VWA8: variants seen among roughly 807,000 people sequenced by gnomAD.
VWA8 encodes von Willebrand factor A domain containing 8, also known as von Willebrand factor A domain-containing protein 8.
A neutral mutation model predicts 241.5 loss-of-function variants in VWA8; 221 were observed. That is an observed-to-expected ratio of 0.91 (90% CI 0.82 to 1.02). VWA8 has a LOEUF of 1.02. VWA8 is among the 50% of genes least tolerant of loss of function. VWA8 has a pLI of 0.00. For missense variants in VWA8, 2,322 were observed against 2,328.7 expected (o/e 1.00, Z 0.06); for synonymous variants, 852 against 827.1 (o/e 1.03, Z -0.52).
intron 37 of VWA8, among the ~76,000 whole-genome samples, chr13:41,630,610 A>G (rs1394489003): frequency 6.6e-6 from 1 of 152,084 alleles, no homozygotes; most frequent in African/African-American, 2.4e-5. Flanking sequence ...TGAGTTTACA[A>G]AATCTCTGAC....
chr13:41,784,475 T>C (rs1345490216), intron 18 of VWA8, among the ~76,000 whole-genome samples: 2 of 151,532 alleles, frequency 1.3e-5, no homozygotes, highest in Middle Eastern at 3.2e-3. Flanking sequence ...CCAGCCTGGG[T>C]AACACAGAGA....
intron 12 of VWA8, among the ~76,000 whole-genome samples, chr13:41,835,820 T>C (rs118038450): frequency 0.013 from 1,995 of 152,246 alleles, 23 homozygotes; most frequent in Middle Eastern, 0.048. Context: ...CAGATAAATT[T>C]AAAGAAAACT....
chr13:41,879,539 T>C (rs929452632), intron 9 of VWA8, among the ~76,000 whole-genome samples: 1 of 152,028 alleles, frequency 6.6e-6, no homozygotes, highest in Non-Finnish European at 1.5e-5. Context: ...ATAGATTCCG[T>C]CTCTAACTAC....
rs529550898 is a variant in VWA8 at position 41,849,308 on chromosome 13, G to A, written c.1426-15777C>T. On this transcript the variant is annotated intron_variant, in intron 12 of 44. Coordinates refer to ENST00000379310, the MANE Select transcript of VWA8 (RefSeq NM_015058.2). ...ATATATTTACTTTTCATTTCCAGGG[G>A]AAAAAATATGTTCACAAAATATATT... is the stretch of plus-strand genomic sequence containing the variant. Among the ~76,000 whole-genome samples the A allele has an allele frequency of 1.1e-4, 16 of 152,160 alleles. No individual in the cohort carries two copies. In the East Asian group the frequency reaches 1.3e-3, roughly 13 times the overall value.
At position 41,926,843 on chromosome 13, in the gene VWA8, ACTT is replaced by A. The variant is rs1876868995; in HGVS notation, c.242-14678_242-14676del. On this transcript the variant is annotated intron_variant, in intron 2 of 44. Transcript: ENST00000379310. ...TCTTTGAAACTGATGAAACTTGCAA[ACTT>A]CTTAATGATATCTGTGTGGCAAAAG... 14 of 570,380 alleles carry A rather than the reference ACTT, an allele frequency of 2.5e-5. No individual in the cohort carries two copies. In the Admixed American group the frequency reaches 2.7e-4, roughly 11 times the overall value. The allele number at this position is 570,380 out of a possible 1,614,324, so 35.3% of individuals were successfully genotyped here. A position where few individuals can be genotyped will look rare whatever the true frequency, so the allele number is the denominator to read the frequency against.
chr13:41,587,778 G>T, intron 41 of VWA8, 108 bp from the exon 42 acceptor site: 1 of 1,360,954 alleles, frequency 7.3e-7, no homozygotes, highest in Non-Finnish European at 1.0e-6. Context: ...GAGATGGGCA[G>T]ACCAGCCATA....
chr13:41,811,402 A>G, intron 16 of VWA8, 62 bp from the exon 17 acceptor site: 1 of 1,346,108 alleles, frequency 7.4e-7, no homozygotes, highest in Non-Finnish European at 1.0e-6. Context: ...GTCCCTTTAG[A>G]TGGATATCAC....
chr13:41,856,961 A>G (rs941658523), intron 12 of VWA8, among the ~76,000 whole-genome samples: 17 of 152,136 alleles, frequency 1.1e-4, no homozygotes, highest in Non-Finnish European at 2.9e-5. Flanking sequence ...AATAATAGAC[A>G]GGTGTTTTAC....
chr13:41,891,060 A>G (rs534004099), intron 5 of VWA8, among the ~76,000 whole-genome samples: 13 of 152,180 alleles, frequency 8.5e-5, no homozygotes, highest in Non-Finnish European at 1.6e-4. Context: ...GGTGACCAGC[A>G]CTATCTAGAA....
At chr13:41,779,350 G>A (rs1042023409) in intron 19 of VWA8, among the ~76,000 whole-genome samples, 1 of 151,612 alleles carries the variant, frequency 6.6e-6, no homozygotes, top group East Asian at 1.9e-4. Context: ...GAAAAACTGA[G>A]AAAGTGTTTT....
intron 21 of VWA8, among the ~76,000 whole-genome samples, chr13:41,757,253 A>G (rs1257908076): frequency 4.6e-5 from 7 of 151,730 alleles, no homozygotes; most frequent in Non-Finnish European, 5.9e-5. Flanking sequence ...TTCTTCCTAT[A>G]TCTCCTATAA....
At chr13:41,854,671 T>A (rs1256573719) in intron 12 of VWA8, among the ~76,000 whole-genome samples, 1 of 152,270 alleles carries the variant, frequency 6.6e-6, no homozygotes, top group South Asian at 2.1e-4. Context: ...TTCTTAGTGG[T>A]GCATCTTACA....
chr13:41,955,552 C>T (rs1200010682), intron 1 of VWA8, among the ~76,000 whole-genome samples: 1 of 152,186 alleles, frequency 6.6e-6, no homozygotes, highest in Non-Finnish European at 1.5e-5. Context: ...ACTGATATGA[C>T]ATCATGGCTT....
At chr13:41,921,259 A>C (rs935818972) in intron 2 of VWA8, among the ~76,000 whole-genome samples, 8 of 152,356 alleles carry the variant, frequency 5.3e-5, no homozygotes, top group African/African-American at 1.9e-4. Flanking sequence ...AAAAACTCTC[A>C]ATAAATTAGG....
At chr13:41,724,858 T>C (rs2045420177) in intron 24 of VWA8, among the ~76,000 whole-genome samples, 1 of 152,000 alleles carries the variant, frequency 6.6e-6, no homozygotes, top group Non-Finnish European at 1.5e-5. Flanking sequence ...CATGCAGCAG[T>C]GTTGGAGCTG....
chr13:41,696,566 A>G (rs1171112224), intron 29 of VWA8, among the ~76,000 whole-genome samples: 1 of 152,168 alleles, frequency 6.6e-6, no homozygotes, highest in African/African-American at 2.4e-5. Flanking sequence ...TATGAATCTC[A>G]GTTCTGCTAT....
intron 31 of VWA8, among the ~76,000 whole-genome samples, 164 bp downstream of exon 31, chr13:41,691,710 T>C (rs2045179180): frequency 6.6e-6 from 1 of 152,152 alleles, no homozygotes; most frequent in South Asian, 2.1e-4. Context: ...CTAGCTTTTC[T>C]TATATCTGTT....
intron 6 of VWA8, 102 bp downstream of exon 6, chr13:41,887,095 C>A: frequency 7.4e-7 from 1 of 1,343,890 alleles, no homozygotes; most frequent in Non-Finnish European, 1.0e-6. Context: ...ATGACCTACT[C>A]AGGAAGACAT....
chr13:41,714,198 A>C (rs2045334964), intron 26 of VWA8, among the ~76,000 whole-genome samples: 1 of 151,988 alleles, frequency 6.6e-6, no homozygotes, highest in Admixed American at 6.6e-5. Context: ...AAACTTTTTA[A>C]TTTCCTTAGT....
Sources: allele counts gnomAD v4.1 joint callset (sites outside exome capture counted in the v4.1 genomes callset), GRCh38; gene constraint gnomAD v4.1.1; transcripts MANE v1.5; gene names NCBI Gene and HGNC (gene_info 2026-07-23, HGNC 2026-07-21).